The following BAG4 variants were observed in gnomAD, a reference collection of about 807,000 sequenced individuals.
BAG4 encodes the protein BAG family molecular chaperone regulator 4.
BAG4 carries 28 observed loss-of-function variants against 52.1 expected under a neutral mutation model. That is an observed-to-expected ratio of 0.54 (90% CI 0.40 to 0.74). BAG4 has a LOEUF of 0.74. Among genes scored for constraint, BAG4 ranks in the 30% least tolerant of loss-of-function variants. The pLI is 0.00. For synonymous variants in BAG4, 208 were observed against 217.0 expected, an observed-to-expected ratio of 0.96 and a Z score of 0.37; for missense variants, 525 against 572.0, an observed-to-expected ratio of 0.92 and a Z score of 0.84.
intron 2 of BAG4, among the ~76,000 whole-genome samples, chr8:38,193,355 G>A (rs1486397169): frequency 6.6e-6 from 1 of 151,746 alleles, no homozygotes; most frequent in Non-Finnish European, 1.5e-5. Flanking sequence ...GGAGGCGGAG[G>A]TTGCAGTGAG....
At position 38,187,442 on chromosome 8, in the gene BAG4, G is replaced by A. The variant is rs184401130; in HGVS notation, c.271-5246G>A. 2.1e-3 allele frequency among the ~76,000 whole-genome samples: 323 copies of A among 152,268 alleles called. 2 individuals are homozygous for A. The highest frequency in any genetic ancestry group is 7.3e-3 in the African/African-American group (304 of 41,560). On this transcript the variant is annotated intron_variant, in intron 1 of 4. Transcript: ENST00000287322. ...GAAAAAAGACTGATGTGTTGGAGAAGTGTCAGACACCATTGAACACACCAG... is the reference window on the plus strand; with the variant it reads ...GAAAAAAGACTGATGTGTTGGAGAAATGTCAGACACCATTGAACACACCAG...
In BAG4 at chr8:38,211,144, T is replaced by C. The variant is rs1803860645; in HGVS notation, c.*651T>C. 6.6e-6 allele frequency: 1 copy of C among 151,666 alleles called. No individual in the cohort carries two copies. The highest frequency in any genetic ancestry group is 2.1e-4 in the South Asian group (1 of 4,816). The allele number at this position is 151,666 out of a possible 1,614,324, so 9.4% of individuals were successfully genotyped here. On this transcript the variant is annotated 3_prime_UTR_variant, in exon 5 of 5. Transcript: ENST00000287322. ...TTCACCACTTGAATATACTGCAATG[T>C]GTAGTGAGTAAATTGTCTCCCTTTT...
intron 2 of BAG4, among the ~76,000 whole-genome samples, chr8:38,199,494 C>A (rs964123620): frequency 6.6e-6 from 1 of 151,640 alleles, no homozygotes; most frequent in Non-Finnish European, 1.5e-5. Context: ...CTTTGACTAA[C>A]CAAAGATCAT....
At chr8:38,187,277 CAA>C (rs921214668) in intron 1 of BAG4, among the ~76,000 whole-genome samples, 9 of 151,394 alleles carry the variant, frequency 5.9e-5, no homozygotes, top group African/African-American at 1.7e-4. Flanking sequence ...AAAAAAGAAA[CAA>C]ATAGAAATTC....
chr8:38,188,373 A>G, intron 1 of BAG4, among the ~76,000 whole-genome samples: 1 of 151,838 alleles, frequency 6.6e-6, no homozygotes. Context: ...TTAAAGATAC[A>G]AATAGTTTGA....
chr8:38,209,586 C>A, intron 4 of BAG4: 1 of 389,402 alleles, frequency 2.6e-6, no homozygotes, highest in Non-Finnish European at 4.6e-6. Context: ...AAGACAAAAC[C>A]AATGTGAAAT....
At chr8:38,191,432 A>C (rs1314364173) in intron 1 of BAG4, among the ~76,000 whole-genome samples, 1 of 152,190 alleles carries the variant, frequency 6.6e-6, no homozygotes, top group Non-Finnish European at 1.5e-5. Context: ...TCAAAGTTTT[A>C]GAAAAAATGT....
chr8:38,192,826 T>C (rs1450064022), intron 2 of BAG4, 31 bp downstream of exon 2: 1 of 1,485,512 alleles, frequency 6.7e-7, no homozygotes, highest in Non-Finnish European at 9.2e-7. Context: ...CTTTCTGAAC[T>C]TTTTCTTAAT....
chr8:38,192,864 A>C (rs1803498868), intron 2 of BAG4, 69 bp downstream of exon 2: 1 of 1,224,380 alleles, frequency 8.2e-7, no homozygotes, highest in Admixed American at 2.4e-5. Flanking sequence ...AAACCTGTGC[A>C]GATTTTAGAG....
At chr8:38,182,735 G>A (rs1178703448) in intron 1 of BAG4, among the ~76,000 whole-genome samples, 2 of 152,154 alleles carry the variant, frequency 1.3e-5, no homozygotes, top group East Asian at 3.9e-4. Flanking sequence ...GTGTCATGTT[G>A]GGAGGGCCAT....
At chr8:38,183,106 G>A (rs980878575) in intron 1 of BAG4, among the ~76,000 whole-genome samples, 5 of 144,230 alleles carry the variant, frequency 3.5e-5, no homozygotes, top group South Asian at 2.2e-4. Flanking sequence ...GTGCAGTGGC[G>A]AAATCTCGGC....
At chr8:38,186,823 C>A (rs976579242) in intron 1 of BAG4, among the ~76,000 whole-genome samples, 2 of 152,200 alleles carry the variant, frequency 1.3e-5, no homozygotes, top group African/African-American at 4.8e-5. Context: ...AAATCTTTGT[C>A]ATCCAGGATG....
chr8:38,189,191 C>T (rs1293013772), intron 1 of BAG4, among the ~76,000 whole-genome samples: 1 of 152,026 alleles, frequency 6.6e-6, no homozygotes, highest in Admixed American at 6.6e-5. Flanking sequence ...GTGACCCACC[C>T]ACCTCGGCCT....
At chr8:38,202,351 C>T (rs1803693328) in intron 2 of BAG4, 1 of 152,172 alleles carries the variant, frequency 6.6e-6, no homozygotes, top group Admixed American at 6.6e-5. Context: ...CTGCAACCTC[C>T]ACCTCCTGGG....
In BAG4 at chr8:38,207,946, G is replaced by A. The variant is rs1403115758; in HGVS notation, c.633+180G>A. Among the ~76,000 whole-genome samples the A allele has an allele frequency of 1.5e-4, 13 of 87,580 alleles. 1 individual carries two copies. In the Admixed American group the frequency reaches 1.5e-3, roughly 10 times the overall value. 57.5% of individuals were successfully genotyped at this position (87,580 alleles called of 152,430 possible). A position where few individuals can be genotyped will look rare whatever the true frequency, so the allele number is the denominator to read the frequency against. ...TGCAGTAAATGGACTTTGGCTGAAG[G>A]TCATAATCATAAATTTTTATACTGA... On this transcript the variant is annotated intron_variant, in intron 3 of 4. Transcript: ENST00000287322.
intron 2 of BAG4, among the ~76,000 whole-genome samples, chr8:38,194,517 A>G (rs1349919102): frequency 1.3e-5 from 2 of 150,262 alleles, no homozygotes; most frequent in African/African-American, 4.9e-5. Flanking sequence ...CTCAGGTTCA[A>G]ATGATTCTCC....
At chr8:38,189,159 G>A (rs565599923) in intron 1 of BAG4, among the ~76,000 whole-genome samples, 3 of 152,008 alleles carry the variant, frequency 2.0e-5, no homozygotes, top group South Asian at 2.1e-4. Flanking sequence ...GGGCCCGGCC[G>A]GTCTTGAACT....
chr8:38,180,537 A>AAAAAAAAAAAAG, intron 1 of BAG4, among the ~76,000 whole-genome samples: 1 of 151,390 alleles, frequency 6.6e-6, no homozygotes, highest in Non-Finnish European at 1.5e-5. Context: ...AAAAAAAAAA[A>AAAAAAAAAAAAG]AAAAAAAAAA....
intron 3 of BAG4, among the ~76,000 whole-genome samples, chr8:38,208,236 A>G (rs1035563363): frequency 2.0e-5 from 3 of 150,318 alleles, no homozygotes; most frequent in East Asian, 3.9e-4. Flanking sequence ...CGGCCTCCCA[A>G]AGTGCTGGGA....
Sources: gnomAD v4.1 joint callset for allele counts (sites outside exome capture counted in the v4.1 genomes callset) on GRCh38, gnomAD v4.1.1 for gene constraint, MANE v1.5 for transcripts, NCBI Gene and HGNC (gene_info 2026-07-23, HGNC 2026-07-21) for gene names.